The following CDH18 variants were observed in gnomAD, a reference collection of about 807,000 sequenced individuals.
CDH18 encodes cadherin 18, also known as cadherin-18.
In CDH18, 31 loss-of-function variants were observed where a neutral mutation model predicts 67.9. The observed-to-expected ratio is 0.46, with a 90% CI of 0.34 to 0.62. The LOEUF is 0.62. Among genes scored for constraint, CDH18 ranks in the 20% least tolerant of loss-of-function variants. CDH18 has a pLI of 0.01. For missense variants in CDH18, 890 were observed against 975.5 expected (o/e 0.91, Z 1.17); for synonymous variants, 362 against 347.2 (o/e 1.04, Z -0.48).
intron 2 of CDH18, among the ~76,000 whole-genome samples, chr5:20,171,239 T>C (rs770968975): frequency 1.3e-5 from 2 of 152,118 alleles, no homozygotes; most frequent in Non-Finnish European, 2.9e-5. Context: ...TACTCAATAA[T>C]GGGATTGCTG....
chr5:19,487,267 T>C (rs925901565), intron 11 of CDH18, among the ~76,000 whole-genome samples: 1 of 152,148 alleles, frequency 6.6e-6, no homozygotes, highest in Non-Finnish European at 1.5e-5. Flanking sequence ...AATATAGACA[T>C]ATAGCCATAA....
intron 1 of CDH18, among the ~76,000 whole-genome samples, chr5:20,439,032 T>C (rs561360673): frequency 2.6e-5 from 4 of 151,672 alleles, no homozygotes; most frequent in South Asian, 2.1e-4. Context: ...AAACCCTTGA[T>C]TGCGTCATTT....
intron 1 of CDH18, among the ~76,000 whole-genome samples, chr5:20,306,091 C>CTAG (rs1561956843): frequency 6.6e-6 from 1 of 152,188 alleles, no homozygotes; most frequent in African/African-American, 2.4e-5. Context: ...AAGACTTCTA[C>CTAG]ACACAGCCTT....
At chr5:19,481,194 C>T (rs1445244170) in intron 12 of CDH18, among the ~76,000 whole-genome samples, 1 of 152,148 alleles carries the variant, frequency 6.6e-6, no homozygotes, top group Non-Finnish European at 1.5e-5. Context: ...TAGTTTCTCA[C>T]TGTGTAATCC....
intron 2 of CDH18, among the ~76,000 whole-genome samples, chr5:20,236,377 A>G (rs1742475761): frequency 6.6e-6 from 1 of 151,814 alleles, no homozygotes; most frequent in Non-Finnish European, 1.5e-5. Flanking sequence ...AAAGAAAAAA[A>G]TCCAACCAAG....
chr5:19,840,260 G>A (rs1385354683), intron 2 of CDH18, among the ~76,000 whole-genome samples: 1 of 129,494 alleles, frequency 7.7e-6, no homozygotes, highest in Non-Finnish European at 1.6e-5. Flanking sequence ...GGGAGACAGA[G>A]TGGGACTCCG....
chr5:20,259,760 T>C (rs1461882019), intron 1 of CDH18, among the ~76,000 whole-genome samples: 1 of 152,146 alleles, frequency 6.6e-6, no homozygotes, highest in Non-Finnish European at 1.5e-5. Context: ...TTAGTCCCCC[T>C]AGCCCCTGTG....
At chr5:20,450,880 G>A (rs1244146507) in intron 1 of CDH18, among the ~76,000 whole-genome samples, 5 of 152,116 alleles carry the variant, frequency 3.3e-5, no homozygotes, top group African/African-American at 1.2e-4. Context: ...CATGGTGGAA[G>A]GTAAATGCCG....
chr5:20,463,431 G>A (rs982520852), intron 1 of CDH18, among the ~76,000 whole-genome samples: 5 of 152,096 alleles, frequency 3.3e-5, no homozygotes, highest in African/African-American at 1.2e-4. Flanking sequence ...AAAGAAATTA[G>A]GTTTAACTGA....
At chr5:19,967,807 T>C (rs1797604678) in intron 2 of CDH18, among the ~76,000 whole-genome samples, 1 of 152,058 alleles carries the variant, frequency 6.6e-6, no homozygotes, top group Non-Finnish European at 1.5e-5. Context: ...CTCTCACCAC[T>C]CCTATTCAAT....
At chr5:20,107,457 G>T (rs1264218096) in intron 2 of CDH18, among the ~76,000 whole-genome samples, 3 of 152,130 alleles carry the variant, frequency 2.0e-5, no homozygotes, top group African/African-American at 7.2e-5. Flanking sequence ...TCAGGTATCT[G>T]ATCAGAAGGA....
chr5:20,522,218 C>T (rs4360046), intron 1 of CDH18, among the ~76,000 whole-genome samples: 2,718 of 59,412 alleles, frequency 0.046, 80 homozygotes, highest in African/African-American at 0.091. Context: ...ACACTTTGAT[C>T]TTGAACTCCT....
At chr5:20,563,066 A>T (rs1035328913) in intron 1 of CDH18, among the ~76,000 whole-genome samples, 3 of 151,854 alleles carry the variant, frequency 2.0e-5, no homozygotes, top group Non-Finnish European at 4.4e-5. Context: ...ACTTAACTCC[A>T]AAAGTATCAG....
rs551250907 is a variant in CDH18, at chr5:19,681,666, C to A, written c.643+39681G>T. ...GACCCCTTGATGTTGAGTAGCCCTA[C>A]AAACCCAGTCTAGCTGGGCTGTTAC... On this transcript the variant is annotated intron_variant, in intron 5 of 12. Transcript: ENST00000382275. Among the ~76,000 whole-genome samples the A allele has an allele frequency of 2.6e-5, 4 of 152,072 alleles. 1 individual carries two copies. In the South Asian group the frequency reaches 8.3e-4, roughly 32 times the overall value.
intron 1 of CDH18, among the ~76,000 whole-genome samples, chr5:20,322,932 C>A (rs1317174457): frequency 6.6e-6 from 1 of 151,754 alleles, no homozygotes; most frequent in Non-Finnish European, 1.5e-5. Flanking sequence ...GAAAAGTAAA[C>A]CAGTATTGTA....
chr5:20,328,599 C>T (rs1419088594), intron 1 of CDH18, among the ~76,000 whole-genome samples: 1 of 152,000 alleles, frequency 6.6e-6, no homozygotes, highest in Non-Finnish European at 1.5e-5. Context: ...ATATAAAAGT[C>T]TCTAATGTGG....
chr5:19,612,127 CT>C lies in CDH18; in HGVS notation c.811+306del, dbSNP rs1446590840. Among the ~76,000 whole-genome samples the C allele has an allele frequency of 2.0e-5, 3 of 152,134 alleles. No individual in the cohort carries two copies. In the East Asian group the frequency reaches 5.8e-4, roughly 29 times the overall value. The stretch of plus-strand genomic sequence containing the variant: ...TACCTTTTCAACATCTCCATGAATA[CT>C]TTAAGAATATACAGATACTTCGCCA... On this transcript the variant is annotated intron_variant, in intron 6 of 12. Coordinates refer to ENST00000382275, the MANE Select transcript of CDH18 (RefSeq NM_004934.5).
intron 2 of CDH18, among the ~76,000 whole-genome samples, chr5:20,132,346 A>C (rs1749337296): frequency 6.6e-6 from 1 of 152,154 alleles, no homozygotes; most frequent in Non-Finnish European, 1.5e-5. Context: ...TAAAATTTTG[A>C]ATATACTGCA....
intron 6 of CDH18, among the ~76,000 whole-genome samples, chr5:19,597,529 C>A (rs539656254): frequency 2.6e-5 from 4 of 152,062 alleles, no homozygotes; most frequent in Non-Finnish European, 4.4e-5. Context: ...AACAAACAAA[C>A]AAAACATGAT....
Sources: gnomAD v4.1 joint callset for allele counts (sites outside exome capture counted in the v4.1 genomes callset) on GRCh38, gnomAD v4.1.1 for gene constraint, MANE v1.5 for transcripts, NCBI Gene and HGNC (gene_info 2026-07-23, HGNC 2026-07-21) for gene names.